LRRFIP1: variants seen among roughly 807,000 people sequenced by gnomAD.
The protein encoded by LRRFIP1 is LRR binding FLII interacting protein 1.
LRRFIP1 carries 62 observed loss-of-function variants against 104.4 expected under a neutral mutation model. The observed-to-expected ratio is 0.59, with a 90% CI of 0.48 to 0.73. The LOEUF (loss-of-function observed/expected upper bound fraction) is 0.73, where lower values mean the gene tolerates loss of function less well. Among genes scored for constraint, LRRFIP1 ranks in the 30% least tolerant of loss-of-function variants. The pLI is 0.00. For missense variants in LRRFIP1, 796 were observed against 824.5 expected (o/e 0.97, Z 0.42); for synonymous variants, 300 against 299.0 (o/e 1.00, Z -0.03).
At chr2:237,750,035 G>A (rs936672537) in intron 13 of LRRFIP1, among the ~76,000 whole-genome samples, 3 of 152,070 alleles carry the variant, frequency 2.0e-5, no homozygotes, top group Admixed American at 2.0e-4. Flanking sequence ...GCTGAAAGGA[G>A]CCAGAACTGA....
At chr2:237,748,046 C>T (rs185814503) in intron 11 of LRRFIP1, among the ~76,000 whole-genome samples, 42 of 152,334 alleles carry the variant, frequency 2.8e-4, no homozygotes, top group African/African-American at 1.0e-3. Context: ...GCAGGGCTCT[C>T]TCCAGGGTCC....
intron 10 of LRRFIP1, among the ~76,000 whole-genome samples, chr2:237,736,387 C>T (rs1364446741): frequency 6.6e-6 from 1 of 152,154 alleles, no homozygotes; most frequent in Non-Finnish European, 1.5e-5. Context: ...GCTCATAAAC[C>T]ATGCATGAAG....
chr2:237,651,189 A>G (rs2085880309), intron 1 of LRRFIP1, among the ~76,000 whole-genome samples: 1 of 152,216 alleles, frequency 6.6e-6, no homozygotes, highest in African/African-American at 2.4e-5. Context: ...AGATTCAACA[A>G]GGTTTTACCA....
At chr2:237,656,547 T>G (rs1159005961) in intron 1 of LRRFIP1, among the ~76,000 whole-genome samples, 1 of 152,190 alleles carries the variant, frequency 6.6e-6, no homozygotes, top group East Asian at 1.9e-4. Flanking sequence ...GGCCCTGAGC[T>G]CTCTCAAGAA....
intron 11 of LRRFIP1, among the ~76,000 whole-genome samples, chr2:237,742,569 A>G (rs147413570): frequency 6.0e-4 from 92 of 152,390 alleles, no homozygotes; most frequent in Non-Finnish European, 9.6e-4. Context: ...GAACTAAGCT[A>G]GCTCATTTCC....
At chr2:237,693,052 G>A (rs2092924560) in intron 1 of LRRFIP1, among the ~76,000 whole-genome samples, 1 of 152,236 alleles carries the variant, frequency 6.6e-6, no homozygotes, top group Non-Finnish European at 1.5e-5. Flanking sequence ...GCGCGGACAG[G>A]ATCCTGCCTC....
rs530476783 is a variant in LRRFIP1 at position 237,748,286 on chromosome 2, A to G, written c.634-78A>G. ...GCAAATGTTTTGTTTTGTTTTGTTT[A>G]TCATTCATAGCCCCATCTTCATGTT... On this transcript the variant is annotated intron_variant, in intron 11 of 23. Coordinates refer to ENST00000308482, the MANE Select transcript of LRRFIP1 (RefSeq NM_001137550.2). The G allele has an allele frequency of 3.5e-5, 37 of 1,045,528 alleles. 2 individuals carry two copies. The South Asian group carries it at 3.8e-4, about 11-fold the overall frequency. 64.8% of individuals were successfully genotyped at this position (1,045,528 alleles called of 1,614,324 possible). A position where few individuals can be genotyped will look rare whatever the true frequency, so the allele number is the denominator to read the frequency against.
rs116997669 is a variant in LRRFIP1, at chr2:237,709,837, T to C, written c.183+1207T>C. Among the ~76,000 whole-genome samples the C allele has an allele frequency of 2.8e-3, 432 of 152,230 alleles. 10 individuals carry two copies. The East Asian group carries it at 0.047, about 16-fold the overall frequency. The stretch of plus-strand genomic sequence containing the variant: ...AGTGCTTTTATTCTGAACTGGTTTT[T>C]AAATATGTATATGTATAATTTTTTT... On this transcript the variant is annotated intron_variant, in intron 2 of 23. Transcript: ENST00000308482.
intron 17 of LRRFIP1, 49 bp downstream of exon 17, chr2:237,757,597 G>T: frequency 1.4e-6 from 2 of 1,394,060 alleles, no homozygotes; most frequent in Non-Finnish European, 2.0e-6. Flanking sequence ...AGCCTGCTTA[G>T]CAAATAGAGT....
intron 1 of LRRFIP1, among the ~76,000 whole-genome samples, chr2:237,679,612 A>G (rs1216295529): frequency 6.6e-6 from 1 of 152,204 alleles, no homozygotes; most frequent in East Asian, 1.9e-4. Flanking sequence ...ATCCTACCGT[A>G]ATGATTTTTT....
intron 1 of LRRFIP1, among the ~76,000 whole-genome samples, chr2:237,687,277 C>A (rs979346812): frequency 1.3e-5 from 2 of 152,140 alleles, no homozygotes; most frequent in Admixed American, 6.5e-5. Flanking sequence ...ATGAGCCACA[C>A]GTATAACAGA....
intron 21 of LRRFIP1, 178 bp downstream of exon 21, chr2:237,772,376 C>G: frequency 1.8e-6 from 1 of 569,696 alleles, no homozygotes. Context: ...GTGTTTCTCT[C>G]TGAGCCTATG....
In LRRFIP1 at chr2:237,780,920, T is replaced by C. The variant is rs1407689529; in HGVS notation, c.*1388T>C. Among the ~76,000 whole-genome samples the C allele has an allele frequency of 6.6e-6, 1 of 152,120 alleles. No individual in the cohort carries two copies. Among genetic ancestry groups the C allele is most frequent in the Non-Finnish European group, 1.5e-5 (1 of 68,016 alleles). On this transcript the variant is annotated 3_prime_UTR_variant, in exon 24 of 24. Coordinates refer to ENST00000308482, the MANE Select transcript of LRRFIP1 (RefSeq NM_001137550.2). ...TGCCCATTGGGAAGCAGACAAGTTA[T>C]AGGGGGCTGGGGGCCAACACTGGCA...
intron 8 of LRRFIP1, among the ~76,000 whole-genome samples, chr2:237,731,877 G>C (rs1028971962): frequency 2.0e-5 from 3 of 152,110 alleles, no homozygotes; most frequent in East Asian, 3.9e-4. Context: ...CCCGTGATTT[G>C]CTGCCCGAGG....
chr2:237,763,958 A>G lies in LRRFIP1; in HGVS notation c.1459+3753A>G, dbSNP rs773530724. 2.2e-5 allele frequency: 36 copies of G among 1,614,106 alleles called. 1 individual carries two copies. Among genetic ancestry groups the G allele is most frequent in the Non-Finnish European group, 3.1e-5 (36 of 1,180,046 alleles). Reference sequence around the variant, plus strand: ...TGCCTGTGAAGCAGAAAGTACAGAGAGGTGTGAGATGTCAGAACATCCAAG... The same window carrying G: ...TGCCTGTGAAGCAGAAAGTACAGAGGGGTGTGAGATGTCAGAACATCCAAG... On this transcript the variant is annotated intron_variant, in intron 19 of 23. Transcript: ENST00000308482.
intron 1 of LRRFIP1, among the ~76,000 whole-genome samples, chr2:237,700,918 A>G (rs553393531): frequency 3.9e-5 from 6 of 152,288 alleles, no homozygotes; most frequent in African/African-American, 1.2e-4. Flanking sequence ...TGCCTGCCCT[A>G]AAGTTGTGGC....
intron 1 of LRRFIP1, among the ~76,000 whole-genome samples, chr2:237,665,485 A>T (rs1183219957): frequency 5.3e-5 from 8 of 152,228 alleles, no homozygotes; most frequent in Admixed American, 3.3e-4. Flanking sequence ...CCAACAAGCC[A>T]ACACATCTTA....
At chr2:237,726,340 G>A (rs1262352842) in intron 7 of LRRFIP1, among the ~76,000 whole-genome samples, 1 of 152,100 alleles carries the variant, frequency 6.6e-6, no homozygotes, top group Non-Finnish European at 1.5e-5. Flanking sequence ...TTTATAATCT[G>A]TCTGGAAATT....
At chr2:237,639,242 A>G (rs1264815738) in intron 1 of LRRFIP1, among the ~76,000 whole-genome samples, 2 of 152,202 alleles carry the variant, frequency 1.3e-5, no homozygotes, top group Non-Finnish European at 1.5e-5. Context: ...AGAAAAATAT[A>G]GGAAAGATGA....
Sources: gnomAD v4.1 joint callset for allele counts (sites outside exome capture counted in the v4.1 genomes callset) on GRCh38, gnomAD v4.1.1 for gene constraint, MANE v1.5 for transcripts, NCBI Gene and HGNC (gene_info 2026-07-23, HGNC 2026-07-21) for gene names.